TBC1D19: variants seen among roughly 807,000 people sequenced by gnomAD.
The protein encoded by TBC1D19 is TBC1 domain family member 19.
In TBC1D19, 60 loss-of-function variants were observed where a neutral mutation model predicts 89.0. The ratio of observed to expected loss-of-function variants is 0.67; its 90% confidence interval spans 0.55 to 0.84. The LOEUF (loss-of-function observed/expected upper bound fraction) is 0.84, where lower values mean the gene tolerates loss of function less well. Among genes scored for constraint, TBC1D19 ranks in the 40% least tolerant of loss-of-function variants. The probability of loss-of-function intolerance (pLI) is 0.00; values close to 1 mark genes in which losing one functional copy is unlikely to be tolerated. For synonymous variants in TBC1D19, 189 were observed against 199.7 expected (o/e 0.95, Z 0.45); for missense variants, 500 against 610.8 (o/e 0.82, Z 1.91).
chr4:26,674,160 G>A (rs1712585627), intron 11 of TBC1D19, among the ~76,000 whole-genome samples: 1 of 152,062 alleles, frequency 6.6e-6, no homozygotes, highest in Admixed American at 6.6e-5. Context: ...TTTGAGAAGT[G>A]GAGACTGACA....
chr4:26,747,727 A>G (rs1718727950), intron 18 of TBC1D19, among the ~76,000 whole-genome samples: 1 of 152,216 alleles, frequency 6.6e-6, no homozygotes, highest in South Asian at 2.1e-4. Flanking sequence ...CTGATTTCAG[A>G]GATAAATTGT....
At chr4:26,675,262 A>G (rs1712699639) in intron 11 of TBC1D19, among the ~76,000 whole-genome samples, 1 of 152,066 alleles carries the variant, frequency 6.6e-6, no homozygotes, top group Admixed American at 6.6e-5. Context: ...TGCGATTTCT[A>G]AAACAAATTT....
chr4:26,778,786 T>G, the TBC1D19 span, among the ~76,000 whole-genome samples: 1 of 152,194 alleles, frequency 6.6e-6, no homozygotes, highest in Admixed American at 6.5e-5. Context: ...TGAATTTTTA[T>G]AAGATCTCCA....
intron 1 of TBC1D19, among the ~76,000 whole-genome samples, chr4:26,584,502 G>C (rs559603547): frequency 6.6e-6 from 1 of 152,294 alleles, no homozygotes. Flanking sequence ...TGCAAGCTGT[G>C]CTGCCTCAGC....
chr4:26,842,340 CT>C, the TBC1D19 span, among the ~76,000 whole-genome samples: 19,585 of 80,710 alleles, frequency 0.24, 1,173 homozygotes, highest in East Asian at 0.31. Flanking sequence ...CTTTTCTTTT[CT>C]TTTTTTTTTT....
At chr4:26,832,106 A>G in the TBC1D19 span, among the ~76,000 whole-genome samples, 1 of 152,358 alleles carries the variant, frequency 6.6e-6, no homozygotes. Context: ...AACACCTAAC[A>G]GTTAAAATCA....
At chr4:26,765,669 G>A in the TBC1D19 span, among the ~76,000 whole-genome samples, 1 of 152,116 alleles carries the variant, frequency 6.6e-6, no homozygotes. Flanking sequence ...TCTGGGGAGG[G>A]GCACCTACTG....
intron 15 of TBC1D19, among the ~76,000 whole-genome samples, chr4:26,734,988 GTATATATGTATACACATATGTA>G: frequency 8.2e-6 from 1 of 122,114 alleles, no homozygotes; most frequent in Non-Finnish European, 1.9e-5. Context: ...ATATGTATAT[GTATATATGTATACACATATGTA>G]TATGTGTATA....
In TBC1D19 at chr4:26,686,918, A is replaced by G. The variant is rs58896039; in HGVS notation, c.892-1427A>G. On this transcript the variant is annotated intron_variant, in intron 12 of 20. Transcript: ENST00000264866. ...TATAGACTGTTAGAGCTATTTGACC[A>G]TGGATTTTTGTAACATTTCTTTGTG... Among the ~76,000 whole-genome samples the G allele has an allele frequency of 2.7e-3, 413 of 152,210 alleles. 4 individuals are homozygous for G. Among genetic ancestry groups the G allele is most frequent in the African/African-American group, 9.2e-3 (383 of 41,556 alleles).
chr4:26,802,675 T>C, the TBC1D19 span, among the ~76,000 whole-genome samples: 2 of 152,184 alleles, frequency 1.3e-5, no homozygotes, highest in Admixed American at 1.3e-4. Context: ...GAAAAAAATA[T>C]ATGAAATAAT....
At chr4:26,826,602 T>C in the TBC1D19 span, among the ~76,000 whole-genome samples, 8 of 152,266 alleles carry the variant, frequency 5.3e-5, no homozygotes, top group African/African-American at 1.9e-4. Flanking sequence ...TGAAAATCAT[T>C]GTTATAGATG....
At chr4:26,789,622 T>C in the TBC1D19 span, among the ~76,000 whole-genome samples, 1 of 152,120 alleles carries the variant, frequency 6.6e-6, no homozygotes, top group Admixed American at 6.6e-5. Flanking sequence ...TAAATTAATA[T>C]AACCTCATGG....
At chr4:26,662,874 GTAGA>G (rs1177430276) in intron 8 of TBC1D19, 1 of 152,096 alleles carries the variant, frequency 6.6e-6, no homozygotes, top group Non-Finnish European at 1.5e-5. Flanking sequence ...GGAGCTCTTG[GTAGA>G]AGCGCTTCAA....
chr4:26,852,795 A>ATT, the TBC1D19 span, among the ~76,000 whole-genome samples: 1 of 151,764 alleles, frequency 6.6e-6, no homozygotes, highest in Non-Finnish European at 1.5e-5. Flanking sequence ...AATTTTTTGT[A>ATT]TTTTTAGTAG....
chr4:26,679,718 G>A (rs1290555806), intron 11 of TBC1D19, among the ~76,000 whole-genome samples: 2 of 152,246 alleles, frequency 1.3e-5, no homozygotes, highest in Non-Finnish European at 2.9e-5. Flanking sequence ...GCAGCTGTGA[G>A]TGGGGCTGTA....
At chr4:26,743,797 A>G (rs1348532704) in intron 18 of TBC1D19, among the ~76,000 whole-genome samples, 1 of 151,698 alleles carries the variant, frequency 6.6e-6, no homozygotes, top group Non-Finnish European at 1.5e-5. Flanking sequence ...TAGTAAATTG[A>G]CTTCTTTTTG....
In TBC1D19 at chr4:26,678,027, C is replaced by T. The variant is rs551316790; in HGVS notation, c.816+4139C>T. ...CTATAGATATCTGAAAATGTGGAAG[C>T]GACTTTGGAACTAGTTAACAGGCAG... On this transcript the variant is annotated intron_variant, in intron 11 of 20. Coordinates refer to ENST00000264866, the MANE Select transcript of TBC1D19 (RefSeq NM_018317.4). Among the ~76,000 whole-genome samples, 13 of 152,168 alleles carry T rather than the reference C, an allele frequency of 8.5e-5. No individual in the cohort carries two copies. The South Asian group carries it at 1.9e-3, about 22-fold the overall frequency.
chr4:26,753,131 AAGTC>A (rs1719067421), intron 19 of TBC1D19, among the ~76,000 whole-genome samples: 1 of 152,240 alleles, frequency 6.6e-6, no homozygotes, highest in Non-Finnish European at 1.5e-5. Flanking sequence ...CACTCTAAGA[AAGTC>A]AGTGCTGTGT....
intron 13 of TBC1D19, among the ~76,000 whole-genome samples, chr4:26,688,782 T>C (rs940283765): frequency 7.9e-5 from 12 of 152,130 alleles, no homozygotes; most frequent in Admixed American, 7.9e-4. Flanking sequence ...GAAAAAATAA[T>C]GTTTCAAAAT....
Sources: gnomAD v4.1 joint callset for allele counts (sites outside exome capture counted in the v4.1 genomes callset) on GRCh38, gnomAD v4.1.1 for gene constraint, MANE v1.5 for transcripts, NCBI Gene and HGNC (gene_info 2026-07-23, HGNC 2026-07-21) for gene names.